The following SPTBN1 variants were observed in gnomAD, a reference collection of about 807,000 sequenced individuals.
SPTBN1 encodes the protein spectrin beta, non-erythrocytic 1, also known as spectrin beta chain, non-erythrocytic 1.
A neutral mutation model predicts 266.4 loss-of-function variants in SPTBN1; 32 were observed. That is an observed-to-expected ratio of 0.12 (90% CI 0.09 to 0.16). The LOEUF is 0.16. Ranked by LOEUF, SPTBN1 falls within the 10% of genes least tolerant of loss-of-function variation. The pLI, the probability that SPTBN1 is intolerant of heterozygous loss-of-function variation, is 1.00. For missense variants in SPTBN1, 2,296 were observed against 3,067.1 expected, an observed-to-expected ratio of 0.75 and a Z score of 5.94; for synonymous variants, 1,336 against 1,162.2, an observed-to-expected ratio of 1.15 and a Z score of -3.04.
At chr2:54,612,121 G>T (rs966326412) in intron 3 of SPTBN1, 40 bp from the exon 4 acceptor site, 5 of 1,544,456 alleles carry the variant, frequency 3.2e-6, no homozygotes, top group African/African-American at 1.4e-5. Flanking sequence ...TCTCTACTCT[G>T]TTGGGTGATG....
chr2:54,489,255 A>T lies in SPTBN1; in HGVS notation c.-48+32737A>T, dbSNP rs544671986. 4.0e-5 allele frequency among the ~76,000 whole-genome samples: 6 copies of T among 150,756 alleles called. No individual in the cohort carries two copies. In the South Asian group the frequency reaches 1.3e-3, roughly 32 times the overall value. The stretch of plus-strand genomic sequence containing the variant: ...AGGATCACTTGAGCCCAGGAAGTTG[A>T]GGCTATAGTGAGCCATGATCATGCC... On this transcript the variant is annotated intron_variant, in intron 1 of 35. Coordinates refer to ENST00000356805, the MANE Select transcript of SPTBN1 (RefSeq NM_003128.3).
intron 2 of SPTBN1, among the ~76,000 whole-genome samples, chr2:54,569,978 C>G (rs58085727): frequency 4.0e-5 from 6 of 149,520 alleles, no homozygotes; most frequent in Admixed American, 1.3e-4. Flanking sequence ...CATTCCCCCC[C>G]CCCTTTAGAA....
At chr2:54,596,466 C>G (rs1238588608) in intron 2 of SPTBN1, among the ~76,000 whole-genome samples, 1 of 152,180 alleles carries the variant, frequency 6.6e-6, no homozygotes, top group Non-Finnish European at 1.5e-5. Context: ...AGTCCGTTTC[C>G]TGCCCCTCGT....
At chr2:54,555,023 T>G (rs529616875) in intron 2 of SPTBN1, among the ~76,000 whole-genome samples, 1 of 152,342 alleles carries the variant, frequency 6.6e-6, no homozygotes, top group African/African-American at 2.4e-5. Context: ...ATGCCTTTTC[T>G]CTAAGTTTTA....
chr2:54,532,302 G>C (rs1364207054), intron 2 of SPTBN1, among the ~76,000 whole-genome samples: 2 of 152,040 alleles, frequency 1.3e-5, no homozygotes, highest in East Asian at 1.9e-4. Context: ...AATAATAATA[G>C]TTAGAATTAA....
intron 18 of SPTBN1, 119 bp downstream of exon 18, chr2:54,637,922 A>G: frequency 1.2e-6 from 1 of 804,692 alleles, no homozygotes; most frequent in East Asian, 2.7e-5. Flanking sequence ...CATAGCACCC[A>G]TTTGACTCGC....
In SPTBN1 at chr2:54,654,199, C is replaced by T. The variant is rs895512950; in HGVS notation, c.5822+346C>T. On this transcript the variant is annotated intron_variant, in intron 27 of 35. Transcript: ENST00000356805. ...CACGTACCTTGGACATGACTAACTG[C>T]CCCGTCTTTGCAATGAGATGACTTT... Among the ~76,000 whole-genome samples the T allele has an allele frequency of 2.0e-5, 3 of 152,192 alleles. No individual in the cohort carries two copies. The East Asian group carries it at 5.8e-4, about 29-fold the overall frequency.
intron 2 of SPTBN1, among the ~76,000 whole-genome samples, chr2:54,553,694 C>G (rs796428152): frequency 1.4e-4 from 22 of 152,264 alleles, no homozygotes; most frequent in African/African-American, 4.8e-4. Flanking sequence ...TTTCCCAGCT[C>G]TCGGATTGGT....
At chr2:54,661,439 C>CT in intron 32 of SPTBN1, 6 of 985,464 alleles carry the variant, frequency 6.1e-6, no homozygotes, top group Non-Finnish European at 7.2e-6. Flanking sequence ...TGATGCATGT[C>CT]TTTTTTTTCT....
intron 3 of SPTBN1, 102 bp downstream of exon 3, chr2:54,599,345 A>G (rs1428781457): frequency 7.1e-7 from 1 of 1,408,336 alleles, no homozygotes; most frequent in Non-Finnish European, 9.8e-7. Flanking sequence ...TTAATGGTTG[A>G]TAGTTTTGAG....
At chr2:54,551,238 G>A (rs1213148702) in intron 2 of SPTBN1, among the ~76,000 whole-genome samples, 1 of 152,208 alleles carries the variant, frequency 6.6e-6, no homozygotes, top group African/African-American at 2.4e-5. Flanking sequence ...TCCCCTCCAT[G>A]TTGGAGGTGA....
chr2:54,559,823 C>T (rs773608887), intron 2 of SPTBN1, among the ~76,000 whole-genome samples: 12 of 152,186 alleles, frequency 7.9e-5, no homozygotes, highest in Non-Finnish European at 1.2e-4. Flanking sequence ...TTATTTTAAC[C>T]TCCTCAGTGC....
intron 32 of SPTBN1, chr2:54,661,572 A>G (rs1681047690): frequency 1.0e-6 from 1 of 985,858 alleles, no homozygotes; most frequent in South Asian, 4.7e-5. Flanking sequence ...TTCTGGGGGT[A>G]GTATGCATCA....
chr2:54,647,174 T>C lies in SPTBN1; in HGVS notation c.4910T>C (p.Leu1637Ser), dbSNP rs1305745512. ...AVSMLKKHQI[L>S]EQAVEDYAET... ...TCCATGTTGAAGAAGCACCAGATCT[T>C]AGAACAAGCTGTGGAGGACTATGCA... The change falls in exon 24 of 36, where the codon TTA (leucine) becomes TCA (serine). Residue 1637 changes from leucine (L) to serine (S), a missense_variant. By Grantham distance (145) the Leu-to-Ser change is moderately radical (BLOSUM62 -2). Around this residue, in one of 12 missense-constraint regions of SPTBN1, gnomAD observed 644 missense variants for 745.3 expected, o/e 0.86. Coordinates refer to ENST00000356805, the MANE Select transcript of SPTBN1 (RefSeq NM_003128.3). The C allele has an allele frequency of 6.2e-7, 1 of 1,614,152 alleles. No individual in the cohort carries two copies.
chr2:54,463,165 T>A (rs1693454433), intron 1 of SPTBN1, among the ~76,000 whole-genome samples: 2 of 151,492 alleles, frequency 1.3e-5, no homozygotes, highest in Non-Finnish European at 2.9e-5. Flanking sequence ...GGAAAATGGT[T>A]GTGAAGGCCC....
chr2:54,649,588 T>G lies in SPTBN1; in HGVS notation c.5203-27T>G. ...AATACAGAGTTCACAGTGGGCTCTC[T>G]GATTTCCTTACCCATCCCCGTTTCA... On this transcript the variant is annotated intron_variant, in intron 25 of 35. Coordinates refer to ENST00000356805, the MANE Select transcript of SPTBN1 (RefSeq NM_003128.3). The surrounding 1 kb of genome is among the most constrained non-coding windows in gnomAD (Gnocchi z 6.7). The G allele has an allele frequency of 6.3e-7, 1 of 1,599,210 alleles. No homozygotes were observed. The highest frequency in any genetic ancestry group is 1.1e-5 in the South Asian group (1 of 90,194).
chr2:54,578,545 C>T (rs1674646843), intron 2 of SPTBN1, among the ~76,000 whole-genome samples: 1 of 152,180 alleles, frequency 6.6e-6, no homozygotes, highest in Admixed American at 6.5e-5. Flanking sequence ...TGAGTTTCCC[C>T]ATAGCAGATA....
At chr2:54,490,688 A>T (rs982328886) in intron 1 of SPTBN1, among the ~76,000 whole-genome samples, 2 of 152,194 alleles carry the variant, frequency 1.3e-5, no homozygotes, top group African/African-American at 2.4e-5. Context: ...TCTGGTCAAT[A>T]GGCATCTTAT....
At chr2:54,543,424 A>C (rs1043236061) in intron 2 of SPTBN1, among the ~76,000 whole-genome samples, 1 of 152,134 alleles carries the variant, frequency 6.6e-6, no homozygotes, top group African/African-American at 2.4e-5. Flanking sequence ...CATTCATGCA[A>C]GGGAAGATGA....
Sources: gnomAD v4.1 joint callset for allele counts (sites outside exome capture counted in the v4.1 genomes callset) on GRCh38, gnomAD v4.1.1 for gene constraint, gnomAD v4.1.1 regional missense constraint, Gnocchi (gnomAD v3.1) non-coding constraint, MANE v1.5 for transcripts, NCBI Gene and HGNC (gene_info 2026-07-23, HGNC 2026-07-21) for gene names.